The following RANBP17 variants were observed in gnomAD, a reference collection of about 807,000 sequenced individuals.
RANBP17 encodes RAN binding protein 17.
A neutral mutation model predicts 141.2 loss-of-function variants in RANBP17; 158 were observed. That is an observed-to-expected ratio of 1.12 (90% CI 0.98 to 1.28). RANBP17 has a LOEUF of 1.28. Among genes scored for constraint, RANBP17 ranks in the 50% most tolerant of loss-of-function variants. The pLI, the probability that RANBP17 is intolerant of heterozygous loss-of-function variation, is 0.00. For missense variants in RANBP17, 1,438 were observed against 1,290.7 expected, an observed-to-expected ratio of 1.11 and a Z score of -1.75; for synonymous variants, 430 against 450.0, an observed-to-expected ratio of 0.96 and a Z score of 0.56.
chr5:171,057,498 T>C (rs1783477832), intron 14 of RANBP17, among the ~76,000 whole-genome samples: 1 of 152,270 alleles, frequency 6.6e-6, no homozygotes, highest in East Asian at 1.9e-4. Context: ...TTCTGTCTTA[T>C]AGCTTCATAG....
intron 14 of RANBP17, among the ~76,000 whole-genome samples, chr5:171,008,785 T>C (rs1779833239): frequency 6.6e-6 from 1 of 152,178 alleles, no homozygotes; most frequent in Admixed American, 6.5e-5. Context: ...TCAGGCCATC[T>C]GGATGTATAC....
chr5:171,078,657 A>G (rs1042255268), intron 14 of RANBP17, among the ~76,000 whole-genome samples: 5 of 152,232 alleles, frequency 3.3e-5, no homozygotes, highest in African/African-American at 9.6e-5. Flanking sequence ...TCCTAGAGCC[A>G]TTAAGAATTA....
At chr5:171,210,084 G>A (rs1412670207) in intron 20 of RANBP17, among the ~76,000 whole-genome samples, 1 of 152,148 alleles carries the variant, frequency 6.6e-6, no homozygotes, top group Non-Finnish European at 1.5e-5. Context: ...TTTATCTGAT[G>A]TGGACCTTAG....
At chr5:171,134,510 TTAAG>T (rs1271700528) in intron 14 of RANBP17, among the ~76,000 whole-genome samples, 1 of 152,178 alleles carries the variant, frequency 6.6e-6, no homozygotes, top group Non-Finnish European at 1.5e-5. Flanking sequence ...GCATTATCAG[TTAAG>T]TAAGGGACTA....
intron 12 of RANBP17, among the ~76,000 whole-genome samples, chr5:170,926,517 T>G (rs1428060312): frequency 6.6e-6 from 1 of 152,190 alleles, no homozygotes; most frequent in Non-Finnish European, 1.5e-5. Flanking sequence ...TTCACTGATT[T>G]GTAGGAGTCT....
chr5:170,865,585 A>G (rs1253447558), intron 1 of RANBP17, among the ~76,000 whole-genome samples: 1 of 152,146 alleles, frequency 6.6e-6, no homozygotes, highest in Non-Finnish European at 1.5e-5. Context: ...ATATTGCTTG[A>G]TCTACTGTCT....
At chr5:171,159,944 AAAAAG>A (rs1389557199) in intron 14 of RANBP17, among the ~76,000 whole-genome samples, 2 of 151,110 alleles carry the variant, frequency 1.3e-5, no homozygotes, top group Non-Finnish European at 3.0e-5. Context: ...AAAAAAAAGA[AAAAAG>A]AAGAAAATTT....
chr5:171,158,698 C>T (rs770542195), intron 14 of RANBP17, among the ~76,000 whole-genome samples: 2 of 151,666 alleles, frequency 1.3e-5, no homozygotes, highest in African/African-American at 2.4e-5. Context: ...CACTTCCTTC[C>T]TTGCTCCCTC....
intron 13 of RANBP17, among the ~76,000 whole-genome samples, chr5:170,955,909 C>T (rs1164207452): frequency 6.7e-6 from 1 of 149,310 alleles, no homozygotes; most frequent in Non-Finnish European, 1.5e-5. Flanking sequence ...GAAATTTCTT[C>T]TTTACTGGCT....
At chr5:171,091,504 G>C (rs1434784013) in intron 14 of RANBP17, among the ~76,000 whole-genome samples, 7 of 152,178 alleles carry the variant, frequency 4.6e-5, no homozygotes, top group African/African-American at 1.7e-4. Flanking sequence ...GTTGAAATGA[G>C]TTAAGACTTT....
intron 14 of RANBP17, among the ~76,000 whole-genome samples, chr5:170,994,053 G>A (rs1310036180): frequency 6.6e-6 from 1 of 151,922 alleles, no homozygotes; most frequent in East Asian, 1.9e-4. Context: ...AACCTTTTCT[G>A]TGGGAAATAC....
intron 16 of RANBP17, among the ~76,000 whole-genome samples, chr5:171,179,457 T>G (rs962962316): frequency 1.3e-5 from 2 of 152,158 alleles, no homozygotes; most frequent in Non-Finnish European, 2.9e-5. Context: ...TACTCTACTT[T>G]GTGCATATAA....
intron 14 of RANBP17, among the ~76,000 whole-genome samples, chr5:171,155,890 G>A (rs549969327): frequency 1.3e-5 from 2 of 151,996 alleles, no homozygotes; most frequent in African/African-American, 2.4e-5. Flanking sequence ...ATAATAAAAG[G>A]CAATACACTA....
chr5:170,910,918 A>C, intron 6 of RANBP17, 51 bp from the exon 7 acceptor site: 1 of 1,538,824 alleles, frequency 6.5e-7, no homozygotes, highest in South Asian at 1.2e-5. Flanking sequence ...ATGAAGTGTA[A>C]ATTTATTGAT....
chr5:171,071,392 G>T (rs189783606), intron 14 of RANBP17, among the ~76,000 whole-genome samples: 102 of 152,018 alleles, frequency 6.7e-4, no homozygotes, highest in Non-Finnish European at 1.0e-3. Context: ...TGAACTAGAA[G>T]AGCCCCCAAA....
chr5:170,897,353 C>T, intron 5 of RANBP17: 2 of 517,842 alleles, frequency 3.9e-6, no homozygotes, highest in Non-Finnish European at 7.3e-6. Flanking sequence ...TCTTCTTCTT[C>T]TTCTTCTTTT....
chr5:171,042,502 T>C (rs1442441340), intron 14 of RANBP17, among the ~76,000 whole-genome samples: 1 of 152,112 alleles, frequency 6.6e-6, no homozygotes, highest in Non-Finnish European at 1.5e-5. Flanking sequence ...TAGGGAAATA[T>C]ATGTGGTGAA....
At chr5:171,144,366 CAAAA>C (rs371286032) in intron 14 of RANBP17, among the ~76,000 whole-genome samples, 17 of 144,216 alleles carry the variant, frequency 1.2e-4, no homozygotes, top group African/African-American at 4.3e-4. Flanking sequence ...GACCCTATCT[CAAAA>C]AAAAAGAAAG....
intron 25 of RANBP17, among the ~76,000 whole-genome samples, chr5:171,267,624 T>C (rs1766814455): frequency 6.6e-6 from 1 of 152,008 alleles, no homozygotes; most frequent in African/African-American, 2.4e-5. Flanking sequence ...CTGGCCAATA[T>C]GGCGAAACCC....
Sources: allele counts gnomAD v4.1 joint callset (sites outside exome capture counted in the v4.1 genomes callset), GRCh38; gene constraint gnomAD v4.1.1; transcripts MANE v1.5; gene names NCBI Gene and HGNC (gene_info 2026-07-23, HGNC 2026-07-21).